STK32B: variants seen among roughly 807,000 people sequenced by gnomAD.
STK32B encodes serine/threonine kinase 32B.
STK32B carries 43 observed loss-of-function variants against 52.6 expected under a neutral mutation model. That is an observed-to-expected ratio of 0.82 (90% CI 0.64 to 1.05). The LOEUF (loss-of-function observed/expected upper bound fraction) is 1.05, where lower values mean the gene tolerates loss of function less well. Among genes scored for constraint, STK32B ranks in the 50% least tolerant of loss-of-function variants. The probability of loss-of-function intolerance (pLI) is 0.00; values close to 1 mark genes in which losing one functional copy is unlikely to be tolerated. For missense variants in STK32B, 621 were observed against 534.6 expected (o/e 1.16, Z -1.59); for synonymous variants, 238 against 204.3 (o/e 1.17, Z -1.41).
chr4:5,268,288 C>G (rs1238773740), intron 3 of STK32B, among the ~76,000 whole-genome samples: 2 of 152,170 alleles, frequency 1.3e-5, no homozygotes, highest in Non-Finnish European at 2.9e-5. Context: ...GCCAGCCACT[C>G]TGGCCTCATT....
At chr4:5,351,271 G>A (rs954527253) in intron 4 of STK32B, among the ~76,000 whole-genome samples, 1 of 152,014 alleles carries the variant, frequency 6.6e-6, no homozygotes, top group Non-Finnish European at 1.5e-5. Context: ...GTTTTCTCAG[G>A]CATCAATGGA....
intron 3 of STK32B, among the ~76,000 whole-genome samples, chr4:5,183,903 G>C (rs763166557): frequency 4.6e-5 from 7 of 152,122 alleles, no homozygotes; most frequent in Non-Finnish European, 8.8e-5. Context: ...ATTGAAGAGA[G>C]TTGGGAACTT....
At chr4:5,335,911 T>C (rs1732647348) in intron 4 of STK32B, among the ~76,000 whole-genome samples, 1 of 151,724 alleles carries the variant, frequency 6.6e-6, no homozygotes, top group East Asian at 1.9e-4. Context: ...ATGTGGTCAA[T>C]TTTGGAATAG....
the STK32B span, among the ~76,000 whole-genome samples, chr4:5,020,810 G>A: frequency 1.3e-3 from 200 of 152,300 alleles, 1 homozygote; most frequent in African/African-American, 4.4e-3. Flanking sequence ...CTGCCATTGG[G>A]AACGCTATGA....
At chr4:5,216,872 T>G (rs965912863) in intron 3 of STK32B, among the ~76,000 whole-genome samples, 10 of 152,204 alleles carry the variant, frequency 6.6e-5, no homozygotes, top group Non-Finnish European at 1.3e-4. Context: ...TGGCTCTGTT[T>G]CCAGTGACTA....
intron 3 of STK32B, among the ~76,000 whole-genome samples, chr4:5,186,524 C>T (rs1465620883): frequency 6.6e-6 from 1 of 152,176 alleles, no homozygotes; most frequent in Non-Finnish European, 1.5e-5. Flanking sequence ...CTCGCTTGCT[C>T]TCTTCCCTCC....
At chr4:5,120,273 C>CAAT (rs1714956740) in intron 1 of STK32B, among the ~76,000 whole-genome samples, 1 of 152,132 alleles carries the variant, frequency 6.6e-6, no homozygotes, top group Non-Finnish European at 1.5e-5. Flanking sequence ...CAGCAGAAGG[C>CAAT]AATAGTAGCC....
At chr4:5,081,757 T>C (rs1712443165) in intron 1 of STK32B, among the ~76,000 whole-genome samples, 1 of 152,210 alleles carries the variant, frequency 6.6e-6, no homozygotes, top group African/African-American at 2.4e-5. Flanking sequence ...TTTGTTAAAC[T>C]TCTAGTTTTT....
intron 1 of STK32B, among the ~76,000 whole-genome samples, chr4:5,081,507 C>A (rs1712427262): frequency 6.6e-6 from 1 of 152,076 alleles, no homozygotes; most frequent in South Asian, 2.1e-4. Flanking sequence ...TTCCCATAGT[C>A]CATCTATTAT....
intron 1 of STK32B, among the ~76,000 whole-genome samples, chr4:5,099,839 C>T (rs1036246246): frequency 5.9e-5 from 9 of 151,994 alleles, no homozygotes; most frequent in African/African-American, 1.2e-4. Context: ...GGTTTCCAAG[C>T]GGGACCTGTC....
At chr4:5,240,449 G>A (rs1440478741) in intron 3 of STK32B, among the ~76,000 whole-genome samples, 1 of 151,868 alleles carries the variant, frequency 6.6e-6, no homozygotes, top group African/African-American at 2.4e-5. Context: ...AAGTTTTAGG[G>A]TTCTTTTTTG....
chr4:5,125,072 C>A (rs1264963928), intron 1 of STK32B, among the ~76,000 whole-genome samples: 1 of 152,148 alleles, frequency 6.6e-6, no homozygotes, highest in Non-Finnish European at 1.5e-5. Flanking sequence ...TGAGAAGACT[C>A]CCAGCTCACA....
chr4:5,263,787 A>G (rs1726880245), intron 3 of STK32B, among the ~76,000 whole-genome samples: 1 of 152,196 alleles, frequency 6.6e-6, no homozygotes, highest in South Asian at 2.1e-4. Context: ...GACTATTTCT[A>G]TCATCCCCCA....
intron 5 of STK32B, among the ~76,000 whole-genome samples, chr4:5,407,858 A>G (rs1737780084): frequency 6.6e-6 from 1 of 152,180 alleles, no homozygotes; most frequent in South Asian, 2.1e-4. Context: ...GTGGGAACAC[A>G]GACGTAAACC....
At chr4:5,277,529 C>T (rs16836945) in intron 3 of STK32B, among the ~76,000 whole-genome samples, 12,522 of 152,116 alleles carry the variant, frequency 0.082, 1,377 homozygotes, top group African/African-American at 0.25. Flanking sequence ...CTTATGAATG[C>T]GCTCCTGGAC....
At chr4:5,099,454 G>GCGTGCGTGCGCA (rs1553823531) in intron 1 of STK32B, among the ~76,000 whole-genome samples, 1 of 129,744 alleles carries the variant, frequency 7.7e-6, no homozygotes, top group African/African-American at 2.6e-5. Flanking sequence ...GTGTGTGCGC[G>GCGTGCGTGCGCA]CGCGCGTATG....
chr4:5,300,556 C>T (rs1729488589), intron 3 of STK32B, among the ~76,000 whole-genome samples: 1 of 152,142 alleles, frequency 6.6e-6, no homozygotes, highest in South Asian at 2.1e-4. Flanking sequence ...CAAAAGACCC[C>T]TAACCCTGAT....
At chr4:5,132,122 G>A (rs537900158) in intron 1 of STK32B, among the ~76,000 whole-genome samples, 2 of 152,142 alleles carry the variant, frequency 1.3e-5, no homozygotes, top group Admixed American at 1.3e-4. Flanking sequence ...TTTTATGGCT[G>A]TGTAGTATTC....
chr4:5,384,061 G>C (rs908275811), intron 4 of STK32B, among the ~76,000 whole-genome samples: 1 of 152,204 alleles, frequency 6.6e-6, no homozygotes, highest in African/African-American at 2.4e-5. Context: ...TTCCAGGCCA[G>C]GTAACAGCAA....
Sources: allele counts gnomAD v4.1 joint callset (sites outside exome capture counted in the v4.1 genomes callset), GRCh38; gene constraint gnomAD v4.1.1; transcripts MANE v1.5; gene names NCBI Gene and HGNC (gene_info 2026-07-23, HGNC 2026-07-21).